Variants in GRM8 observed in about 807,000 individuals in gnomAD.
GRM8 encodes the protein glutamate metabotropic receptor 8.
In GRM8, 47 loss-of-function variants were observed where a neutral mutation model predicts 87.2. That is an observed-to-expected ratio of 0.54 (90% CI 0.43 to 0.69). GRM8 has a LOEUF of 0.69. Among genes scored for constraint, GRM8 ranks in the 30% least tolerant of loss-of-function variants. The pLI, the probability that GRM8 is intolerant of heterozygous loss-of-function variation, is 0.00. For missense variants in GRM8, 1,019 were observed against 1,139.2 expected, an observed-to-expected ratio of 0.89 and a Z score of 1.52; for synonymous variants, 396 against 404.5, an observed-to-expected ratio of 0.98 and a Z score of 0.25.
chr7:126,814,632 T>C (rs1163077953), intron 6 of GRM8, among the ~76,000 whole-genome samples: 2 of 152,084 alleles, frequency 1.3e-5, no homozygotes, highest in African/African-American at 2.4e-5. Flanking sequence ...TTCAATCTTC[T>C]TACCTGTTAC....
intron 6 of GRM8, among the ~76,000 whole-genome samples, chr7:126,886,333 T>C (rs1800497948): frequency 6.6e-6 from 1 of 152,170 alleles, no homozygotes. Flanking sequence ...TTACACTTTT[T>C]TAACAAAGAA....
At chr7:126,678,750 T>C (rs1486791390) in intron 7 of GRM8, among the ~76,000 whole-genome samples, 1 of 152,164 alleles carries the variant, frequency 6.6e-6, no homozygotes, top group African/African-American at 2.4e-5. Context: ...GACAGTTGCA[T>C]ACAGTATCTT....
chr7:126,869,960 A>T lies in GRM8; in HGVS notation c.1156+32582T>A, dbSNP rs1401808897. 4.0e-5 allele frequency: 6 copies of T among 150,086 alleles called. No homozygotes were observed. The East Asian group carries it at 1.2e-3, about 30-fold the overall frequency. 9.3% of individuals were successfully genotyped at this position (150,086 alleles called of 1,614,324 possible). ...AAAAAAAAAAAAAAAAAAAAAAAAA[A>T]AGTCCTAGATGGAATCTTCTTCTAC... On this transcript the variant is annotated intron_variant, in intron 6 of 10. Transcript: ENST00000339582.
chr7:126,843,871 TC>T (rs1796490010), intron 6 of GRM8, among the ~76,000 whole-genome samples: 1 of 152,214 alleles, frequency 6.6e-6, no homozygotes, highest in South Asian at 2.1e-4. Flanking sequence ...TTCTTTCAGT[TC>T]TTTTTTCTTC....
intron 3 of GRM8, among the ~76,000 whole-genome samples, chr7:127,000,484 T>C (rs1813617960): frequency 1.3e-5 from 2 of 151,804 alleles, no homozygotes; most frequent in South Asian, 4.1e-4. Context: ...CATGCCTGTA[T>C]CAAAGTATTT....
At chr7:126,947,408 G>A (rs1195014496) in intron 3 of GRM8, among the ~76,000 whole-genome samples, 1 of 152,132 alleles carries the variant, frequency 6.6e-6, no homozygotes, top group Non-Finnish European at 1.5e-5. Context: ...AATGCTTGGT[G>A]CAGCAGAAGG....
chr7:126,730,112 GT>G (rs1813428002), intron 7 of GRM8, among the ~76,000 whole-genome samples: 2 of 152,138 alleles, frequency 1.3e-5, no homozygotes, highest in Non-Finnish European at 2.9e-5. Context: ...TAAGAGTAAT[GT>G]TTGAGTGTCT....
At chr7:126,476,258 T>C (rs1300431314) in intron 9 of GRM8, among the ~76,000 whole-genome samples, 1 of 152,036 alleles carries the variant, frequency 6.6e-6, no homozygotes, top group South Asian at 2.1e-4. Context: ...TCTAAAAATA[T>C]GAAAATAAAA....
At chr7:126,593,455 C>G (rs111917285) in intron 8 of GRM8, among the ~76,000 whole-genome samples, 14 of 152,036 alleles carry the variant, frequency 9.2e-5, no homozygotes, top group African/African-American at 3.4e-4. Flanking sequence ...CATACATTTA[C>G]AGCAAACTGA....
chr7:126,732,863 G>A (rs1813754627), intron 7 of GRM8, among the ~76,000 whole-genome samples: 1 of 152,088 alleles, frequency 6.6e-6, no homozygotes, highest in Non-Finnish European at 1.5e-5. Flanking sequence ...TAGTTTAAAG[G>A]CATATTCAAG....
chr7:127,045,132 T>G (rs1361428839), intron 3 of GRM8, among the ~76,000 whole-genome samples: 2 of 152,184 alleles, frequency 1.3e-5, no homozygotes, highest in Non-Finnish European at 2.9e-5. Context: ...CCTGAAATCT[T>G]TTATCAACTC....
At chr7:126,542,146 AG>A (rs1263835616) in intron 8 of GRM8, among the ~76,000 whole-genome samples, 2 of 152,216 alleles carry the variant, frequency 1.3e-5, no homozygotes, top group Non-Finnish European at 2.9e-5. Context: ...TCTGGCCTCC[AG>A]AACTATGAGA....
At chr7:126,892,980 C>G (rs572684713) in intron 6 of GRM8, among the ~76,000 whole-genome samples, 1 of 152,020 alleles carries the variant, frequency 6.6e-6, no homozygotes, top group South Asian at 2.1e-4. Context: ...AAAAAAACAA[C>G]CCCATCAAAA....
At chr7:126,506,404 C>T (rs1278284173) in intron 9 of GRM8, among the ~76,000 whole-genome samples, 1 of 152,070 alleles carries the variant, frequency 6.6e-6, no homozygotes, top group Non-Finnish European at 1.5e-5. Flanking sequence ...GACATTAGAT[C>T]TACTGCCTAT....
intron 2 of GRM8, among the ~76,000 whole-genome samples, chr7:127,205,332 C>G (rs1365310518): frequency 6.6e-6 from 1 of 152,146 alleles, no homozygotes; most frequent in Non-Finnish European, 1.5e-5. Flanking sequence ...ATGGGAGGAG[C>G]CACCAACATA....
intron 7 of GRM8, among the ~76,000 whole-genome samples, chr7:126,705,179 A>G (rs1810367434): frequency 6.6e-6 from 1 of 152,092 alleles, no homozygotes; most frequent in Non-Finnish European, 1.5e-5. Flanking sequence ...TTCCCCAATA[A>G]TCAGTAGCCC....
intron 3 of GRM8, among the ~76,000 whole-genome samples, chr7:126,944,419 A>T (rs17869503): frequency 0.012 from 1,857 of 152,290 alleles, 37 homozygotes; most frequent in African/African-American, 0.043. Context: ...GAGAACCTAA[A>T]CTAGATACTT....
At chr7:126,821,842 T>G (rs771242781) in intron 6 of GRM8, among the ~76,000 whole-genome samples, 5 of 152,312 alleles carry the variant, frequency 3.3e-5, no homozygotes, top group Middle Eastern at 3.4e-3. Flanking sequence ...TTTTTCATAA[T>G]GTAATTTTCT....
At chr7:126,604,740 T>C (rs1239900681) in intron 8 of GRM8, among the ~76,000 whole-genome samples, 1 of 152,104 alleles carries the variant, frequency 6.6e-6, no homozygotes. Flanking sequence ...CTACTATTCA[T>C]AATAATATCT....
Sources: allele counts gnomAD v4.1 joint callset (sites outside exome capture counted in the v4.1 genomes callset), GRCh38; gene constraint gnomAD v4.1.1; transcripts MANE v1.5; gene names NCBI Gene and HGNC (gene_info 2026-07-23, HGNC 2026-07-21).